Variants in RASA3 observed in about 807,000 individuals in gnomAD.
The protein encoded by RASA3 is RAS p21 protein activator 3.
RASA3 carries 73 observed loss-of-function variants against 110.0 expected under a neutral mutation model. The ratio of observed to expected loss-of-function variants is 0.66; its 90% CI spans 0.55 to 0.81. The LOEUF (loss-of-function observed/expected upper bound fraction) is 0.81, where lower values mean the gene tolerates loss of function less well. Ranked by LOEUF, RASA3 falls within the 30% of genes least tolerant of loss-of-function variation. The probability of loss-of-function intolerance (pLI) is 0.00; values close to 1 mark genes in which losing one functional copy is unlikely to be tolerated. For missense variants in RASA3, 976 were observed against 1,113.2 expected (o/e 0.88, Z 1.75); for synonymous variants, 500 against 451.4 (o/e 1.11, Z -1.37).
chr13:113,996,112 TGGG>T (rs1463889678), intron 21 of RASA3, among the ~76,000 whole-genome samples: 45 of 120,632 alleles, frequency 3.7e-4, no homozygotes, highest in Admixed American at 3.0e-3. Context: ...ACCCGGCTGA[TGGG>T]GGGCCGGGAA....
At chr13:114,000,155 GT>G (rs2053360502) in intron 19 of RASA3, among the ~76,000 whole-genome samples, 1 of 124,794 alleles carries the variant, frequency 8.0e-6, no homozygotes, top group African/African-American at 3.5e-5. Context: ...TCTGTTGGGG[GT>G]GTCTCTGCTG....
rs140661104 is a variant in RASA3 at position 114,082,101 on chromosome 13, G to C, written c.56-8264C>G. On this transcript the variant is annotated intron_variant, in intron 1 of 23. Transcript: ENST00000334062. Reference sequence around the variant, plus strand: ...TTAGAAAGCCTGCAGGTGGTTCTGGGTGCAGCCAGGACTGAGAGGCATTAC... The same window carrying C: ...TTAGAAAGCCTGCAGGTGGTTCTGGCTGCAGCCAGGACTGAGAGGCATTAC... 8.3e-3 allele frequency among the ~76,000 whole-genome samples: 1,264 copies of C among 152,350 alleles called. 11 individuals are homozygous for C. The highest frequency in any genetic ancestry group is 0.013 in the Non-Finnish European group (855 of 68,026).
chr13:114,125,597 C>T (rs978838640), intron 1 of RASA3, among the ~76,000 whole-genome samples: 7 of 152,270 alleles, frequency 4.6e-5, no homozygotes, highest in Admixed American at 1.3e-4. Context: ...GGTGACAGTT[C>T]GACAGGAGAT....
At chr13:114,078,117 C>T in intron 1 of RASA3, 1 of 598,292 alleles carries the variant, frequency 1.7e-6, no homozygotes, top group Non-Finnish European at 2.1e-6. Flanking sequence ...GCTGCTGCAG[C>T]ACGGCCTGGC....
In RASA3 at chr13:114,129,233, T is replaced by C. The variant is rs143504307; in HGVS notation, c.55+3202A>G. Among the ~76,000 whole-genome samples the C allele has an allele frequency of 5.3e-5, 8 of 152,348 alleles. No homozygotes were observed. The East Asian group carries it at 1.3e-3, about 26-fold the overall frequency. On this transcript the variant is annotated intron_variant, in intron 1 of 23. Transcript: ENST00000334062. ...GTCATGCATGATACACAGACTCTAC[T>C]GTGAAAGGTTAATGACTGTTTCAAA...
chr13:114,031,142 C>T (rs990327145), intron 4 of RASA3, among the ~76,000 whole-genome samples: 4 of 148,102 alleles, frequency 2.7e-5, no homozygotes, highest in Non-Finnish European at 3.0e-5. Context: ...TGTGCATGTT[C>T]GCCTGTGTGT....
intron 21 of RASA3, among the ~76,000 whole-genome samples, chr13:113,995,148 T>C (rs2053202617): frequency 6.6e-6 from 1 of 152,150 alleles, no homozygotes; most frequent in East Asian, 1.9e-4. Context: ...TGGAGATAAA[T>C]GGCCTGGAAG....
chr13:114,109,256 C>T (rs180828363), intron 1 of RASA3, among the ~76,000 whole-genome samples: 15 of 152,308 alleles, frequency 9.8e-5, no homozygotes, highest in Admixed American at 2.6e-4. Context: ...CTTGTGTGAA[C>T]GGCGACCACG....
chr13:114,109,846 C>T (rs1000153473), intron 1 of RASA3, among the ~76,000 whole-genome samples: 3 of 152,198 alleles, frequency 2.0e-5, no homozygotes, highest in Non-Finnish European at 4.4e-5. Context: ...GGGGTGGCCT[C>T]GCGGCGGCAC....
At chr13:114,121,626 T>C (rs68108676) in intron 1 of RASA3, among the ~76,000 whole-genome samples, 31,256 of 152,166 alleles carry the variant, frequency 0.21, 3,469 homozygotes, top group Middle Eastern at 0.27. Context: ...CCTGAACCTC[T>C]GTCTCTCAGG....
intron 1 of RASA3, among the ~76,000 whole-genome samples, chr13:114,097,517 A>G (rs2079961955): frequency 6.6e-6 from 1 of 152,188 alleles, no homozygotes; most frequent in South Asian, 2.1e-4. Flanking sequence ...TTCTCAAAGA[A>G]AGGCATGATG....
At chr13:114,090,035 T>C (rs2139708935) in intron 1 of RASA3, among the ~76,000 whole-genome samples, 1 of 152,340 alleles carries the variant, frequency 6.6e-6, no homozygotes, top group Admixed American at 6.5e-5. Context: ...GCATTCTGTG[T>C]ATTTGTTAAT....
In RASA3 at chr13:113,999,769, TTACCGGGGGGTCTCTGCCAGGGGGTCTC is replaced by T. The variant is rs1566459394; in HGVS notation, c.1850-130_1850-103del. ...TGCCGGGGGGTCTCCCAGGGGGTCTTTACCGGGGGGTCTCTGCCAGGGGGTCTCTACCGGGGGGTCTCTGCCAGGGGGT... is the reference window on the plus strand; with the variant it reads ...TGCCGGGGGGTCTCCCAGGGGGTCTTTACCGGGGGGTCTCTGCCAGGGGGT... On this transcript the variant is annotated intron_variant, in intron 19 of 23. Transcript: ENST00000334062. The T allele has an allele frequency of 2.2e-5, 7 of 317,794 alleles. No homozygotes were observed. The African/African-American group carries it at 2.7e-4, about 12-fold the overall frequency. The allele number at this position is 317,794 out of a possible 1,614,324, so 19.7% of individuals were successfully genotyped here.
chr13:113,983,362 G>A (rs528326790), intron 22 of RASA3, among the ~76,000 whole-genome samples: 18 of 127,792 alleles, frequency 1.4e-4, no homozygotes, highest in African/African-American at 4.7e-4. Context: ...CTGGGAGGGT[G>A]GAACTCGCGA....
chr13:114,038,616 C>T (rs565000911), intron 4 of RASA3, among the ~76,000 whole-genome samples: 6 of 152,360 alleles, frequency 3.9e-5, no homozygotes, highest in Admixed American at 2.0e-4. Flanking sequence ...GAACCCTTTG[C>T]TGGCCATGGG....
At position 114,132,424 on chromosome 13, in the gene RASA3, C is replaced by T; in HGVS notation, c.55+11G>A. On this transcript the variant is annotated intron_variant, in intron 1 of 23. Coordinates refer to ENST00000334062, the MANE Select transcript of RASA3 (RefSeq NM_007368.4). ...GGGGGGTCGGACGCGTGGCTGCCGG[C>T]GGACACTCACCGATCTTGATCTTCA... is the stretch of plus-strand genomic sequence containing the variant. 6.6e-7 allele frequency: 1 copy of T among 1,518,968 alleles called. No homozygotes were observed. 94.1% of individuals were successfully genotyped at this position (1,518,968 alleles called of 1,614,324 possible). A position where few individuals can be genotyped will look rare whatever the true frequency, so the allele number is the denominator to read the frequency against.
At chr13:114,010,096 G>A (rs868139771) in intron 16 of RASA3, among the ~76,000 whole-genome samples, 18 of 152,328 alleles carry the variant, frequency 1.2e-4, no homozygotes, top group Middle Eastern at 3.4e-3. Context: ...AGCCCACAGC[G>A]CAGGGCCTGG....
At chr13:114,042,568 G>A (rs2054434788) in intron 3 of RASA3, among the ~76,000 whole-genome samples, 1 of 152,256 alleles carries the variant, frequency 6.6e-6, no homozygotes, top group South Asian at 2.1e-4. Flanking sequence ...AGCGTCCGCA[G>A]CCACAGGGTC....
chr13:114,070,635 C>T (rs984995224), intron 2 of RASA3, among the ~76,000 whole-genome samples: 5 of 151,018 alleles, frequency 3.3e-5, no homozygotes, highest in Non-Finnish European at 7.4e-5. Context: ...GGCAGGGCTG[C>T]CGGCGTCCAC....
Sources: allele counts gnomAD v4.1 joint callset (sites outside exome capture counted in the v4.1 genomes callset), GRCh38; gene constraint gnomAD v4.1.1; transcripts MANE v1.5; gene names NCBI Gene and HGNC (gene_info 2026-07-23, HGNC 2026-07-21).